Variants in MAP3K4 observed in about 807,000 individuals in gnomAD.
MAP3K4 encodes MAP three kinase 1.
Under a neutral mutation model 185.6 loss-of-function variants are expected in MAP3K4, and 67 were observed. The ratio of observed to expected loss-of-function variants is 0.36; its 90% confidence interval spans 0.30 to 0.44. MAP3K4 has a LOEUF of 0.44. Among genes scored for constraint, MAP3K4 ranks in the 20% least tolerant of loss-of-function variants. MAP3K4 has a pLI of 1.00. For missense variants in MAP3K4, 1,551 were observed against 1,995.1 expected, an observed-to-expected ratio of 0.78 and a Z score of 4.24; for synonymous variants, 702 against 710.4, an observed-to-expected ratio of 0.99 and a Z score of 0.19.
chr6:161,060,127 A>G (rs1293753001), intron 3 of MAP3K4, among the ~76,000 whole-genome samples: 1 of 152,194 alleles, frequency 6.6e-6, no homozygotes, highest in African/African-American at 2.4e-5. Flanking sequence ...TAATACATTA[A>G]GGGCTGAAAA....
chr6:161,039,529 T>C (rs964664855), intron 2 of MAP3K4, among the ~76,000 whole-genome samples: 1 of 152,174 alleles, frequency 6.6e-6, no homozygotes, highest in South Asian at 2.1e-4. Flanking sequence ...CTTGAGAAAA[T>C]TGATAGCCCT....
In MAP3K4 at chr6:161,111,871, A is replaced by C; in HGVS notation, c.4432A>C (p.Lys1478Gln). ...CTTCCTTACCTCATCTGGATTAATC[A>C]AACTGGGAGATTTTGGATGTTCAGT... ...NIFLTSSGLI[K>Q]LGDFGCSVKL... Residue 1478 changes from lysine (K) to glutamine (Q), a missense_variant, in exon 24 of 27, where the codon AAA (lysine) becomes CAA (glutamine). Transcript: ENST00000392142. The C allele has an allele frequency of 6.2e-7, 1 of 1,614,178 alleles. No individual in the cohort carries two copies. Among genetic ancestry groups the C allele is most frequent in the Admixed American group, 1.7e-5 (1 of 60,026 alleles).
intron 1 of MAP3K4, among the ~76,000 whole-genome samples, chr6:161,028,313 AAAAC>A (rs1782767909): frequency 6.6e-6 from 1 of 152,252 alleles, no homozygotes; most frequent in South Asian, 2.1e-4. Context: ...TGTTTACAAG[AAAAC>A]AATAATTTGA....
Position 161,115,015 on chromosome 6 carries a change from G to A in MAP3K4, c.4627-108G>A. Reference sequence around the variant, plus strand: ...TTGGCCCTTTCAGTAAAAATTTGCTGTCCCCTGATATATATTAATGATGAG... The same window carrying A: ...TTGGCCCTTTCAGTAAAAATTTGCTATCCCCTGATATATATTAATGATGAG... On this transcript the variant is annotated intron_variant, in intron 25 of 26. Transcript: ENST00000392142. The surrounding 1 kb of genome is among the most constrained non-coding windows in gnomAD (Gnocchi z 6.0). 2.1e-6 allele frequency: 2 copies of A among 969,536 alleles called. No individual in the cohort carries two copies. The highest frequency in any genetic ancestry group is 1.8e-5 in the South Asian group (1 of 55,146). The allele number at this position is 969,536 out of a possible 1,614,324, so 60.1% of individuals were successfully genotyped here. A position where few individuals can be genotyped will look rare whatever the true frequency, so the allele number is the denominator to read the frequency against.
At chr6:161,019,865 C>T (rs1030162597) in intron 1 of MAP3K4, among the ~76,000 whole-genome samples, 42 of 151,872 alleles carry the variant, frequency 2.8e-4, no homozygotes, top group African/African-American at 9.4e-4. Context: ...CAAATTTGTC[C>T]GAATAATTAA....
Position 161,086,648 on chromosome 6 carries a change from A to G in MAP3K4, c.2537A>G (p.Lys846Arg), listed in dbSNP as rs756791193. The change falls in exon 9 of 27, where the codon AAA becomes AGA. Residue 846 changes from lysine to arginine, a missense_variant. Lys to Arg is a conservative substitution (Grantham distance 26). Coordinates refer to ENST00000392142, the MANE Select transcript of MAP3K4 (RefSeq NM_005922.4). The surrounding 1 kb of genome is among the most constrained non-coding windows in gnomAD (Gnocchi z 4.8). ...GTTAGAGACCTCCTGGATGTTCTGA[A>G]ATCAAAACAGTATGTCAAGGTAAGT... is the stretch of plus-strand genomic sequence containing the variant. ...APVRDLLDVL[K>R]SKQYVKVQIP... The G allele has an allele frequency of 1.9e-6, 3 of 1,613,302 alleles. No homozygotes were observed. In the East Asian group the frequency reaches 6.7e-5, roughly 36 times the overall value.
rs771867024 is a variant in MAP3K4, at chr6:161,109,728, C to T, written c.4237-27C>T. ...GTACATCTAAGGAAAACCGTAAACA[C>T]AGAGCTGCCCTTTATTCCTCCCACA... On this transcript the variant is annotated intron_variant, in intron 22 of 26. Transcript: ENST00000392142. This position sits in a 1 kb window ranked among gnomAD's most constrained non-coding sequence, Gnocchi z 5.7. The T allele has an allele frequency of 6.2e-7, 1 of 1,613,680 alleles. No homozygotes were observed. Among genetic ancestry groups the T allele is most frequent in the Non-Finnish European group, 8.5e-7 (1 of 1,179,648 alleles).
At position 161,037,871 on chromosome 6, in the gene MAP3K4, G is replaced by A. The variant is rs928484204; in HGVS notation, c.343+3422G>A. On this transcript the variant is annotated intron_variant, in intron 2 of 26. Transcript: ENST00000392142. The surrounding 1 kb of genome is among the most constrained non-coding windows in gnomAD (Gnocchi z 4.2). ...TTAGATTAAATGATTGTCTCAAGTC[G>A]TGTAGCTACTGTTCCTGCTTCTGTC... 3.3e-5 allele frequency among the ~76,000 whole-genome samples: 5 copies of A among 152,100 alleles called. No individual in the cohort carries two copies. Among genetic ancestry groups the A allele is most frequent in the Non-Finnish European group, 5.9e-5 (4 of 68,010 alleles).
At chr6:161,005,035 C>G (rs1781512486) in intron 1 of MAP3K4, among the ~76,000 whole-genome samples, 1 of 152,128 alleles carries the variant, frequency 6.6e-6, no homozygotes, top group Non-Finnish European at 1.5e-5. Context: ...CTTATCCAGT[C>G]TTGACCATGA....
chr6:161,079,389 C>G (rs564659937), intron 5 of MAP3K4, among the ~76,000 whole-genome samples: 73 of 151,988 alleles, frequency 4.8e-4, no homozygotes, highest in Non-Finnish European at 7.7e-4. Context: ...ACCAGCCTGA[C>G]CAACATGGAG....
intron 19 of MAP3K4, among the ~76,000 whole-genome samples, chr6:161,105,917 C>G (rs1486745387): frequency 6.6e-6 from 1 of 151,388 alleles, no homozygotes; most frequent in Non-Finnish European, 1.5e-5. Context: ...CTCACTGCAA[C>G]CTCTACCTCC....
At chr6:161,030,800 T>C (rs753043820) in intron 1 of MAP3K4, among the ~76,000 whole-genome samples, 11 of 152,238 alleles carry the variant, frequency 7.2e-5, no homozygotes, top group Non-Finnish European at 1.5e-4. Flanking sequence ...CTTTAAATAC[T>C]GTTGGATTTT....
At chr6:161,040,456 C>T (rs1467829214) in intron 2 of MAP3K4, among the ~76,000 whole-genome samples, 2 of 152,146 alleles carry the variant, frequency 1.3e-5, no homozygotes, top group African/African-American at 2.4e-5. Context: ...ATATTGCAAT[C>T]ACGAGGATTG....
chr6:160,996,346 G>A lies in MAP3K4; in HGVS notation c.152+4263G>A, dbSNP rs1462166355. The stretch of plus-strand genomic sequence containing the variant: ...ACTTTGTAGTTCCCTTTAATTTTCT[G>A]TCATTGTTAGAGGCCACTCTGTTTC... On this transcript the variant is annotated intron_variant, in intron 1 of 26. Transcript: ENST00000392142. This position sits in a 1 kb window ranked among gnomAD's most constrained non-coding sequence, Gnocchi z 4.5. Among the ~76,000 whole-genome samples the A allele has an allele frequency of 6.6e-6, 1 of 152,268 alleles. No individual in the cohort carries two copies. The highest frequency in any genetic ancestry group is 1.5e-5 in the Non-Finnish European group (1 of 68,020).
intron 2 of MAP3K4, among the ~76,000 whole-genome samples, chr6:161,044,239 A>G (rs896319715): frequency 6.6e-6 from 1 of 152,194 alleles, no homozygotes; most frequent in African/African-American, 2.4e-5. Context: ...GTTATTAAGA[A>G]CTATTTTTGT....
rs1400488863 is a variant in MAP3K4, at chr6:161,087,280, T to C, written c.2557-408T>C. Among the ~76,000 whole-genome samples the C allele has an allele frequency of 6.6e-6, 1 of 152,222 alleles. No homozygotes were observed. Among genetic ancestry groups the C allele is most frequent in the African/African-American group, 2.4e-5 (1 of 41,460 alleles). On this transcript the variant is annotated intron_variant, in intron 9 of 26. Coordinates refer to ENST00000392142, the MANE Select transcript of MAP3K4 (RefSeq NM_005922.4). The surrounding 1 kb of genome is among the most constrained non-coding windows in gnomAD (Gnocchi z 4.9). ...AGCCTTCTTGTGATGAACCCCTGGC[T>C]CCCTGCCCTGGAATAATTAGAGAAT...
chr6:161,019,429 T>C (rs1393485627), intron 1 of MAP3K4, among the ~76,000 whole-genome samples: 1 of 152,246 alleles, frequency 6.6e-6, no homozygotes, highest in Non-Finnish European at 1.5e-5. Flanking sequence ...TTTCTATTTT[T>C]GAGACGGAGT....
In MAP3K4 at chr6:161,008,629, A is replaced by G. The variant is rs940435589; in HGVS notation, c.152+16546A>G. ...TAATTTAACAAAGACATACTTGTGT[A>G]TATTACATGTGTAGCTTGATAAATT... is the stretch of plus-strand genomic sequence containing the variant. On this transcript the variant is annotated intron_variant, in intron 1 of 26. Transcript: ENST00000392142. This position sits in a 1 kb window ranked among gnomAD's most constrained non-coding sequence, Gnocchi z 4.1. Among the ~76,000 whole-genome samples, 2 of 152,234 alleles carry G rather than the reference A, an allele frequency of 1.3e-5. No individual in the cohort carries two copies. The highest frequency in any genetic ancestry group is 4.8e-5 in the African/African-American group (2 of 41,460).
At chr6:160,997,755 A>G (rs955008211) in intron 1 of MAP3K4, among the ~76,000 whole-genome samples, 8 of 152,184 alleles carry the variant, frequency 5.3e-5, no homozygotes, top group Non-Finnish European at 1.0e-4. Flanking sequence ...CTCAAACTAC[A>G]TGGTACATAT....
Sources: gnomAD v4.1 joint callset for allele counts (sites outside exome capture counted in the v4.1 genomes callset) on GRCh38, gnomAD v4.1.1 for gene constraint, Gnocchi (gnomAD v3.1) non-coding constraint, MANE v1.5 for transcripts, NCBI Gene and HGNC (gene_info 2026-07-23, HGNC 2026-07-21) for gene names.